Variants in PNPLA6 observed in about 807,000 individuals in gnomAD.
PNPLA6 encodes the protein patatin like domain 6, lysophospholipase.
A neutral mutation model predicts 153.7 loss-of-function variants in PNPLA6; 105 were observed. That is an observed-to-expected ratio of 0.68 (90% CI 0.58 to 0.80). The LOEUF is 0.80. Ranked by LOEUF, PNPLA6 falls within the 30% of genes least tolerant of loss-of-function variation. The probability of loss-of-function intolerance (pLI) is 0.00; values close to 1 mark genes in which losing one functional copy is unlikely to be tolerated. For missense variants in PNPLA6, 1,423 were observed against 1,919.3 expected (o/e 0.74, Z 4.83); for synonymous variants, 825 against 822.2 (o/e 1.00, Z -0.06).
intron 29 of PNPLA6, 108 bp downstream of exon 29, chr19:7,560,872 T>C (rs1216131830): frequency 5.7e-6 from 5 of 878,434 alleles, no homozygotes; most frequent in Non-Finnish European, 7.6e-6. Context: ...CCCTGGGTTT[T>C]GCTGAGCTCT....
In PNPLA6 at chr19:7,555,446, G is replaced by A. The variant is rs577151518; in HGVS notation, c.2936+79G>A. On this transcript the variant is annotated intron_variant, in intron 23 of 31. Transcript: ENST00000600737. The surrounding 1 kb of genome is among the most constrained non-coding windows in gnomAD (Gnocchi z 6.3). ...CTTCCTGGGAGAAACCGTGGGGGCG[G>A]GGCCTGGGTGTTCGAGGGTGGAGCT... 1.6e-5 allele frequency: 22 copies of A among 1,341,256 alleles called. No homozygotes were observed. In the East Asian group the frequency reaches 2.2e-4, roughly 14 times the overall value. The allele number at this position is 1,341,256 out of a possible 1,614,324, so 83.1% of individuals were successfully genotyped here. A position where few individuals can be genotyped will look rare whatever the true frequency, so the allele number is the denominator to read the frequency against.
At position 7,540,345 on chromosome 19, in the gene PNPLA6, G is replaced by A; in HGVS notation, c.714+37G>A. ...TCCCCAGGGGCTGCTGCAGGAGGAT[G>A]GGTGGTGGGGATGGGCAGCAGGCAT... On this transcript the variant is annotated intron_variant, in intron 5 of 31. Coordinates refer to ENST00000600737, the MANE Select transcript of PNPLA6 (RefSeq NM_001166114.2). The surrounding 1 kb of genome is among the most constrained non-coding windows in gnomAD (Gnocchi z 6.8). 6.3e-7 allele frequency: 1 copy of A among 1,582,774 alleles called. No homozygotes were observed.
At chr19:7,556,983 G>A (rs957595445) in intron 26 of PNPLA6, 185 bp from the exon 27 acceptor site, 15 of 726,890 alleles carry the variant, frequency 2.1e-5, no homozygotes, top group Middle Eastern at 3.6e-4. Flanking sequence ...GTGGCGTTAC[G>A]TCCGGGCCAG....
At position 7,540,231 on chromosome 19, in the gene PNPLA6, G is replaced by A. The variant is rs1018645754; in HGVS notation, c.637G>A (p.Val213Ile). Residue 213 changes from valine to isoleucine, a missense_variant, in exon 5 of 32, where the codon GTC becomes ATC. This residue lies in a region of PNPLA6 where 118 missense variants were observed against 158.8 expected (regional missense o/e 0.74). Transcript: ENST00000600737. This position sits in a 1 kb window ranked among gnomAD's most constrained non-coding sequence, Gnocchi z 6.8. ...CCAGCGGCTGGGCCAGGGTGACTAC[G>A]TCTTCCGGCCGGGCCAGCCAGATGC... ...VFQRLGQGDY[V>I]FRPGQPDASI... 5.6e-6 allele frequency: 9 copies of A among 1,609,506 alleles called. No homozygotes were observed. The highest frequency in any genetic ancestry group is 2.7e-5 in the African/African-American group (2 of 74,898).
rs2023855309 is a variant in PNPLA6, at chr19:7,555,824, C to T, written c.3093+61C>T. 23 of 1,572,904 alleles carry T rather than the reference C, an allele frequency of 1.5e-5. No homozygotes were observed. The South Asian group carries it at 2.1e-4, about 14-fold the overall frequency. ...AGTGCCATAAAACCCGTGGTTCCAACCTAACCTGATCCCATGGGGGAGCCT... is the reference window on the plus strand; with the variant it reads ...AGTGCCATAAAACCCGTGGTTCCAATCTAACCTGATCCCATGGGGGAGCCT... On this transcript the variant is annotated intron_variant, in intron 24 of 31. Coordinates refer to ENST00000600737, the MANE Select transcript of PNPLA6 (RefSeq NM_001166114.2). This position sits in a 1 kb window ranked among gnomAD's most constrained non-coding sequence, Gnocchi z 6.3.
chr19:7,535,481 G>A, upstream of PNPLA6: 1 of 1,502,806 alleles, frequency 6.7e-7, no homozygotes, highest in Non-Finnish European at 9.1e-7. This position sits in a 1 kb window ranked among gnomAD's most constrained non-coding sequence, Gnocchi z 5.0. Context: ...CGACTTGCAC[G>A]GGTTCCTTCG....
chr19:7,550,692 C>G (rs751035811), intron 16 of PNPLA6, 52 bp downstream of exon 16: 3 of 1,601,390 alleles, frequency 1.9e-6, no homozygotes, highest in South Asian at 2.2e-5. Flanking sequence ...GCCAGTCCCT[C>G]GACAACTCAC....
At chr19:7,556,044 T>C (rs2023864599) in intron 24 of PNPLA6, among the ~76,000 whole-genome samples, 1 of 138,504 alleles carries the variant, frequency 7.2e-6, no homozygotes. Flanking sequence ...ACATCATCCC[T>C]AAGTGTTCCT....
At chr19:7,548,748 TATAG>T (rs1568414253) in intron 13 of PNPLA6, among the ~76,000 whole-genome samples, 14 of 150,512 alleles carry the variant, frequency 9.3e-5, no homozygotes, top group Non-Finnish European at 1.5e-4. Context: ...CACATATATA[TATAG>T]AGAGAGAGAT....
Position 7,555,388 on chromosome 19 carries a change from C to A in PNPLA6, c.2936+21C>A, listed in dbSNP as rs757040062. The A allele has an allele frequency of 2.0e-5, 29 of 1,419,274 alleles. No homozygotes were observed. Among genetic ancestry groups the A allele is most frequent in the Non-Finnish European group, 2.6e-5 (27 of 1,039,620 alleles). The allele number at this position is 1,419,274 out of a possible 1,614,324, so 87.9% of individuals were successfully genotyped here. On this transcript the variant is annotated intron_variant, in intron 23 of 31. Transcript: ENST00000600737. This position sits in a 1 kb window ranked among gnomAD's most constrained non-coding sequence, Gnocchi z 6.3. ...GCCAGGTGAGGGCGGGGCTTGCTCT[C>A]TGGGGGCGGGGCCTGGATGTCCGAG...
chr19:7,556,773 TGGGGGGATG>T, intron 26 of PNPLA6, 49 bp downstream of exon 26: 1 of 1,342,912 alleles, frequency 7.4e-7, no homozygotes, highest in Non-Finnish European at 1.1e-6. Flanking sequence ...CACGTGGGGT[TGGGGGGATG>T]CTTCCGGGAG....
rs10405345 is a variant in PNPLA6 at position 7,540,385 on chromosome 19, G to T, written c.714+77G>T. 1.7e-3 allele frequency: 2,562 copies of T among 1,483,398 alleles called. 38 individuals are homozygous for T. In the African/African-American group the frequency reaches 0.032, roughly 18 times the overall value. The allele number at this position is 1,483,398 out of a possible 1,614,324, so 91.9% of individuals were successfully genotyped here. A position where few individuals can be genotyped will look rare whatever the true frequency, so the allele number is the denominator to read the frequency against. On this transcript the variant is annotated intron_variant, in intron 5 of 31. Coordinates refer to ENST00000600737, the MANE Select transcript of PNPLA6 (RefSeq NM_001166114.2). This position sits in a 1 kb window ranked among gnomAD's most constrained non-coding sequence, Gnocchi z 6.8. ...GCAGCAGGCATTGGTCTGTAGAGCT[G>T]GTGGTCTTTGGAGATGCGTCATCGG...
chr19:7,554,435 G>C lies in PNPLA6; in HGVS notation c.2466-120G>C, dbSNP rs2023781695. 4 of 1,305,832 alleles carry C rather than the reference G, an allele frequency of 3.1e-6. No individual in the cohort carries two copies. In the South Asian group the frequency reaches 4.8e-5, roughly 16 times the overall value. 80.9% of individuals were successfully genotyped at this position (1,305,832 alleles called of 1,614,324 possible). A position where few individuals can be genotyped will look rare whatever the true frequency, so the allele number is the denominator to read the frequency against. ...GGTGTGAATCTGCCCACCGGAGCAC[G>C]GACTTCCGTGGTGGGGGTTTGGGTG... On this transcript the variant is annotated intron_variant, in intron 20 of 31. Coordinates refer to ENST00000600737, the MANE Select transcript of PNPLA6 (RefSeq NM_001166114.2).
chr19:7,557,565 C>T (rs2146111957), intron 27 of PNPLA6: 6 of 457,566 alleles, frequency 1.3e-5, no homozygotes, highest in South Asian at 1.1e-4. Context: ...GGGTGGATCA[C>T]CTGAGGTCAG....
In PNPLA6 at chr19:7,554,606, C is replaced by T. The variant is rs748657540; in HGVS notation, c.2517C>T (p.His839=). ...GGCTGGCCCAGCAGGAGGATGCACACCGTATCGTACTCTACCAGACGGACG... is the reference window on the plus strand; with the variant it reads ...GGCTGGCCCAGCAGGAGGATGCACATCGTATCGTACTCTACCAGACGGACG... ...SGWLAQQEDA[H]RIVLYQTDAS... is the part of the protein sequence containing the mutation. Residue 839 remains histidine (H), a synonymous_variant, in exon 21 of 32, where the codon CAC becomes CAT. Transcript: ENST00000600737. The T allele has an allele frequency of 1.2e-6, 2 of 1,614,076 alleles. No individual in the cohort carries two copies. The highest frequency in any genetic ancestry group is 8.5e-7 in the Non-Finnish European group (1 of 1,180,006).
upstream of PNPLA6, chr19:7,535,295 G>A (rs2146034877): frequency 3.3e-6 from 2 of 599,816 alleles, no homozygotes; most frequent in East Asian, 2.8e-5. The surrounding 1 kb of genome is among the most constrained non-coding windows in gnomAD (Gnocchi z 5.0). Flanking sequence ...CAGGAAGCCG[G>A]GGACCCGCCT....
rs2023824373 is a variant in PNPLA6 at position 7,555,261 on chromosome 19, G to C, written c.2830G>C (p.Glu944Gln). 6.3e-7 allele frequency: 1 copy of C among 1,598,016 alleles called. No homozygotes were observed. The highest frequency in any genetic ancestry group is 8.5e-7 in the Non-Finnish European group (1 of 1,172,372). ...TCCCCCATCCCAGCATGAGCTCTAC[G>C]AGAAGGTTTTCTCCAGGCGCGCGGA... Reference protein sequence around the residue: ...RSPAKLHELYEKVFSRRADRH... With the variant: ...RSPAKLHELYQKVFSRRADRH... Residue 944 changes from glutamate (E) to glutamine (Q), a missense_variant, in exon 23 of 32, where the codon GAG (glutamate) becomes CAG (glutamine). Coordinates refer to ENST00000600737, the MANE Select transcript of PNPLA6 (RefSeq NM_001166114.2). The surrounding 1 kb of genome is among the most constrained non-coding windows in gnomAD (Gnocchi z 6.3).
chr19:7,544,495 A>G (rs1175939299), intron 13 of PNPLA6, among the ~76,000 whole-genome samples: 1 of 152,192 alleles, frequency 6.6e-6, no homozygotes, highest in Non-Finnish European at 1.5e-5. Flanking sequence ...GCTCAAATGT[A>G]CAGAGCAGCA....
Position 7,541,497 on chromosome 19 carries a change from G to A in PNPLA6, c.1006-25G>A, listed in dbSNP as rs781712027. On this transcript the variant is annotated intron_variant, in intron 8 of 31. Coordinates refer to ENST00000600737, the MANE Select transcript of PNPLA6 (RefSeq NM_001166114.2). This position sits in a 1 kb window ranked among gnomAD's most constrained non-coding sequence, Gnocchi z 5.2. ...GGGCGAGGTCTCCCTCCCAGGACAGGCCACAAGCTGTTCTCTGCCCCCAGG... is the reference window on the plus strand; with the variant it reads ...GGGCGAGGTCTCCCTCCCAGGACAGACCACAAGCTGTTCTCTGCCCCCAGG... 6.2e-7 allele frequency: 1 copy of A among 1,611,726 alleles called. No homozygotes were observed. The highest frequency in any genetic ancestry group is 8.5e-7 in the Non-Finnish European group (1 of 1,179,104).
Sources: allele counts gnomAD v4.1 joint callset (sites outside exome capture counted in the v4.1 genomes callset), GRCh38; gene constraint gnomAD v4.1.1; regional missense constraint gnomAD v4.1.1; non-coding constraint Gnocchi (gnomAD v3.1); transcripts MANE v1.5; gene names NCBI Gene and HGNC (gene_info 2026-07-23, HGNC 2026-07-21).